The following MYO16 variants were observed in gnomAD, a reference collection of about 807,000 sequenced individuals.
The protein encoded by MYO16 is unconventional myosin-XVI.
In MYO16, 94 loss-of-function variants were observed where a neutral mutation model predicts 205.3. That is an observed-to-expected ratio of 0.46 (90% confidence interval 0.39 to 0.54). The LOEUF (loss-of-function observed/expected upper bound fraction) is 0.54, where lower values mean the gene tolerates loss of function less well. MYO16 is among the 20% of genes least tolerant of loss of function. The pLI is 0.00. For synonymous variants in MYO16, 988 were observed against 954.0 expected, an observed-to-expected ratio of 1.04 and a Z score of -0.66; for missense variants, 2,315 against 2,387.5, an observed-to-expected ratio of 0.97 and a Z score of 0.63.
At chr13:109,167,685 G>C (rs1292829967) in intron 33 of MYO16, among the ~76,000 whole-genome samples, 1 of 152,124 alleles carries the variant, frequency 6.6e-6, no homozygotes, top group African/African-American at 2.4e-5. Context: ...ACTTTCCTAG[G>C]TGTATCATAG....
chr13:109,055,117 A>C lies in MYO16; in HGVS notation c.3120A>C (p.Ser1040=). The change falls in exon 26 of 35, where the codon TCA becomes TCC. Residue 1040 remains serine (S), a synonymous_variant. Transcript: ENST00000457511. This position sits in a 1 kb window ranked among gnomAD's most constrained non-coding sequence, Gnocchi z 5.0. ...LERGDPVTIA[S]QLRKSLMDII... ...GAGGAGATCCAGTCACCATAGCATC[A>C]CAACTCAGGGTTAGTGACGTTTTCA... 1.9e-6 allele frequency: 3 copies of C among 1,584,406 alleles called. No individual in the cohort carries two copies. Among genetic ancestry groups the C allele is most frequent in the Non-Finnish European group, 2.6e-6 (3 of 1,167,540 alleles).
At chr13:108,854,942 G>T (rs531044885) in intron 10 of MYO16, among the ~76,000 whole-genome samples, 1 of 152,312 alleles carries the variant, frequency 6.6e-6, no homozygotes, top group South Asian at 2.1e-4. Context: ...AAGATCTGAA[G>T]TCTACCTTTA....
intron 1 of MYO16, among the ~76,000 whole-genome samples, chr13:108,630,496 G>T (rs897034614): frequency 1.3e-5 from 2 of 152,180 alleles, no homozygotes; most frequent in Non-Finnish European, 2.9e-5. Flanking sequence ...TTTAGCGTCT[G>T]AAATTTTGGC....
rs1201765855 is a variant in MYO16 at position 109,127,235 on chromosome 13, C to G, written c.3783-47C>G. 1 of 1,525,482 alleles carries G rather than the reference C, an allele frequency of 6.6e-7. No homozygotes were observed. The highest frequency in any genetic ancestry group is 2.3e-5 in the East Asian group (1 of 43,852). The allele number at this position is 1,525,482 out of a possible 1,614,324, so 94.5% of individuals were successfully genotyped here. A position where few individuals can be genotyped will look rare whatever the true frequency, so the allele number is the denominator to read the frequency against. ...GTTCCTTGTTACCGGAATAATGCAT[C>G]TGGGCCTCTCTGGCGTGGTGCTGTT... On this transcript the variant is annotated intron_variant, in intron 30 of 34. Coordinates refer to ENST00000457511, the MANE Select transcript of MYO16 (RefSeq NM_001198950.3). The surrounding 1 kb of genome is among the most constrained non-coding windows in gnomAD (Gnocchi z 4.2).
chr13:109,047,776 G>A (rs924342125), intron 24 of MYO16, among the ~76,000 whole-genome samples: 15 of 151,920 alleles, frequency 9.9e-5, no homozygotes, highest in Admixed American at 7.9e-4. Flanking sequence ...TAGCTTTTTC[G>A]TGAAATAGTT....
intron 27 of MYO16, among the ~76,000 whole-genome samples, chr13:109,084,236 G>C (rs968317698): frequency 3.3e-5 from 5 of 152,186 alleles, no homozygotes; most frequent in African/African-American, 9.6e-5. Flanking sequence ...GTAGGGTGCA[G>C]TAGCCTAGAG....
intron 16 of MYO16, among the ~76,000 whole-genome samples, chr13:108,941,531 G>A (rs12865595): frequency 0.31 from 46,299 of 151,714 alleles, 8,651 homozygotes; most frequent in Non-Finnish European, 0.41. Context: ...ACAAAAATTA[G>A]CTGGGCATGG....
chr13:108,798,942 T>C lies in MYO16; in HGVS notation c.741+5302T>C, dbSNP rs1886887074. On this transcript the variant is annotated intron_variant, in intron 6 of 34. Transcript: ENST00000457511. ...GGATGGTCTCGATCTCCCGACCTCATGATCCACCCGCCTCGGCCTCCCAAA... is the reference window on the plus strand; with the variant it reads ...GGATGGTCTCGATCTCCCGACCTCACGATCCACCCGCCTCGGCCTCCCAAA... 3.4e-5 allele frequency among the ~76,000 whole-genome samples: 5 copies of C among 147,644 alleles called. No individual in the cohort carries two copies. The South Asian group carries it at 1.1e-3, about 32-fold the overall frequency.
chr13:108,534,638 C>CA, the MYO16 span, among the ~76,000 whole-genome samples: 12 of 152,016 alleles, frequency 7.9e-5, 1 homozygote, highest in South Asian at 2.5e-3. Flanking sequence ...AAAAAACCCT[C>CA]AAAGAGGAAT....
At chr13:109,181,877 A>G (rs1879470761) in intron 34 of MYO16, among the ~76,000 whole-genome samples, 1 of 151,044 alleles carries the variant, frequency 6.6e-6, no homozygotes, top group Non-Finnish European at 1.5e-5. Context: ...CTGGAGTGCA[A>G]TGGGATGATC....
At chr13:108,559,692 G>T in the MYO16 span, among the ~76,000 whole-genome samples, 683 of 151,626 alleles carry the variant, frequency 4.5e-3, 6 homozygotes, top group African/African-American at 0.016. Context: ...GGATGGTCTC[G>T]ATCTCCTGAC....
chr13:108,808,829 CAT>C (rs1391465446), intron 7 of MYO16, among the ~76,000 whole-genome samples: 7 of 152,230 alleles, frequency 4.6e-5, no homozygotes, highest in Admixed American at 2.0e-4. Context: ...ATATGCCACA[CAT>C]GATACATGCC....
At chr13:109,049,925 CCTGTGT>C (rs1212267049) in intron 24 of MYO16, among the ~76,000 whole-genome samples, 12 of 113,332 alleles carry the variant, frequency 1.1e-4, no homozygotes, top group African/African-American at 1.4e-4. Flanking sequence ...CTTCCTTTGT[CCTGTGT>C]GTGTGTGTGT....
chr13:108,561,286 A>G, the MYO16 span, among the ~76,000 whole-genome samples: 2 of 152,228 alleles, frequency 1.3e-5, no homozygotes, highest in East Asian at 1.9e-4. Flanking sequence ...TTCAACTTGT[A>G]GAACAGAAGA....
chr13:108,926,723 A>G (rs908057897), intron 16 of MYO16, among the ~76,000 whole-genome samples: 1 of 152,184 alleles, frequency 6.6e-6, no homozygotes, highest in African/African-American at 2.4e-5. Context: ...TGCCATCGAC[A>G]TTCACCAGGG....
chr13:109,151,895 G>A (rs773101973), intron 32 of MYO16, among the ~76,000 whole-genome samples: 5 of 152,100 alleles, frequency 3.3e-5, no homozygotes, highest in South Asian at 2.1e-4. Flanking sequence ...GTTTGGTGAC[G>A]TTACATTCCC....
chr13:108,645,242 A>G (rs372301848), intron 1 of MYO16, among the ~76,000 whole-genome samples: 6 of 152,208 alleles, frequency 3.9e-5, no homozygotes, highest in Non-Finnish European at 7.3e-5. Context: ...ACACATTTTC[A>G]TGCTACTTAC....
At chr13:109,153,416 A>G (rs994982962) in intron 32 of MYO16, among the ~76,000 whole-genome samples, 1 of 123,904 alleles carries the variant, frequency 8.1e-6, no homozygotes, top group Non-Finnish European at 1.8e-5. Context: ...TATAGAAAGG[A>G]TAGATTTTTT....
chr13:108,975,272 C>T (rs79820132), intron 20 of MYO16, among the ~76,000 whole-genome samples: 13,198 of 151,842 alleles, frequency 0.087, 626 homozygotes, highest in Admixed American at 0.11. Flanking sequence ...AAGCATAGGC[C>T]CCCAATTCCA....
Sources: gnomAD v4.1 joint callset for allele counts (sites outside exome capture counted in the v4.1 genomes callset) on GRCh38, gnomAD v4.1.1 for gene constraint, Gnocchi (gnomAD v3.1) non-coding constraint, MANE v1.5 for transcripts, NCBI Gene and HGNC (gene_info 2026-07-23, HGNC 2026-07-21) for gene names.